GRIN3A: variants seen among roughly 807,000 people sequenced by gnomAD.
GRIN3A encodes the protein glutamate receptor ionotropic, NMDA 3A.
In GRIN3A, 47 loss-of-function variants were observed where a neutral mutation model predicts 92.4. That is an observed-to-expected ratio of 0.51 (90% CI 0.40 to 0.65). The LOEUF is 0.65. GRIN3A is among the 30% of genes least tolerant of loss of function. The pLI, the probability that GRIN3A is intolerant of heterozygous loss-of-function variation, is 0.00. For synonymous variants in GRIN3A, 527 were observed against 540.6 expected (o/e 0.97, Z 0.35); for missense variants, 1,324 against 1,393.1 (o/e 0.95, Z 0.79).
chr9:101,603,429 T>G (rs1828236682), intron 6 of GRIN3A, among the ~76,000 whole-genome samples: 1 of 152,196 alleles, frequency 6.6e-6, no homozygotes, highest in African/African-American at 2.4e-5. Context: ...TCAGGCCCTA[T>G]TATTATTCCC....
chr9:101,628,676 C>T (rs1041299094), intron 3 of GRIN3A, among the ~76,000 whole-genome samples: 2 of 152,030 alleles, frequency 1.3e-5, no homozygotes, highest in African/African-American at 2.4e-5. Context: ...TCTTTAGAAG[C>T]CATGCAAATT....
chr9:101,651,799 T>C lies in GRIN3A; in HGVS notation c.2352+18261A>G, dbSNP rs1829018665. ...GCTTCTGAGATTTCCCATTTAAAAA[T>C]GGCAATAGGCTTTATTTTAAAGATA... is the stretch of plus-strand genomic sequence containing the variant. On this transcript the variant is annotated intron_variant, in intron 3 of 8. Coordinates refer to ENST00000361820, the MANE Select transcript of GRIN3A (RefSeq NM_133445.3). Among the ~76,000 whole-genome samples, 5 of 151,984 alleles carry C rather than the reference T, an allele frequency of 3.3e-5. No individual in the cohort carries two copies. In the South Asian group the frequency reaches 1.0e-3, roughly 31 times the overall value.
In GRIN3A at chr9:101,613,401, C is replaced by T; in HGVS notation, c.2741G>A (p.Gly914Asp). The T allele has an allele frequency of 6.2e-7, 1 of 1,614,162 alleles. No homozygotes were observed. Among genetic ancestry groups the T allele is most frequent in the Non-Finnish European group, 8.5e-7 (1 of 1,180,020 alleles). Residue 914 changes from glycine to aspartate, a missense_variant, in exon 6 of 9, where the codon GGC (glycine) becomes GAC (aspartate). Coordinates refer to ENST00000361820, the MANE Select transcript of GRIN3A (RefSeq NM_133445.3). The part of the protein sequence containing the change: ...HDKWYRVVPC[G>D]KRSFAVTETL... Reference sequence around the variant, plus strand: ...CTCCGTGACAGCAAAACTTCTCTTGCCACAGGGAACCACCCTGTACCACTT... The same window carrying T: ...CTCCGTGACAGCAAAACTTCTCTTGTCACAGGGAACCACCCTGTACCACTT...
rs5899450 is a variant in GRIN3A at position 101,622,995 on chromosome 9, A to AAC, written c.2614+321_2614+322dup. ...AGCACATAGCAACACCCTGCCACTAAACACACACACACACACACACACACA... is the reference window on the plus strand; with the variant it reads ...AGCACATAGCAACACCCTGCCACTAAACACACACACACACACACACACACACA... On this transcript the variant is annotated intron_variant, in intron 5 of 8. Transcript: ENST00000361820. Among the ~76,000 whole-genome samples, 641 of 147,528 alleles carry AAC rather than the reference A, an allele frequency of 4.3e-3. 14 individuals carry two copies. The South Asian group carries it at 0.07, about 16-fold the overall frequency.
intron 2 of GRIN3A, among the ~76,000 whole-genome samples, chr9:101,674,224 TGGG>T (rs1372831664): frequency 6.6e-6 from 1 of 152,046 alleles, no homozygotes; most frequent in African/African-American, 2.4e-5. Context: ...GGAATTTGTC[TGGG>T]GGGAGTCATG....
chr9:101,672,238 C>T (rs978286186), intron 2 of GRIN3A, among the ~76,000 whole-genome samples: 4 of 152,170 alleles, frequency 2.6e-5, no homozygotes, highest in African/African-American at 9.6e-5. Context: ...AGAGAAAATA[C>T]TTCCTTCATT....
intron 1 of GRIN3A, among the ~76,000 whole-genome samples, chr9:101,722,126 C>T (rs1002103098): frequency 1.1e-4 from 16 of 152,188 alleles, no homozygotes; most frequent in African/African-American, 3.4e-4. Context: ...ATTGGTGCCC[C>T]GTGTCCCAGC....
chr9:101,731,930 T>C (rs1197208316), intron 1 of GRIN3A, among the ~76,000 whole-genome samples: 1 of 152,210 alleles, frequency 6.6e-6, no homozygotes, highest in Non-Finnish European at 1.5e-5. Context: ...AAAAGTAATA[T>C]GGCAGATGCT....
At chr9:101,584,078 T>C (rs1827921720) in intron 6 of GRIN3A, among the ~76,000 whole-genome samples, 1 of 152,098 alleles carries the variant, frequency 6.6e-6, no homozygotes, top group African/African-American at 2.4e-5. Flanking sequence ...GCTTGAACTC[T>C]CCACCTTAGG....
chr9:101,596,103 A>G (rs1828126006), intron 6 of GRIN3A, among the ~76,000 whole-genome samples: 1 of 152,242 alleles, frequency 6.6e-6, no homozygotes, highest in African/African-American at 2.4e-5. Flanking sequence ...AAACTGAAAG[A>G]TGCAAACACT....
Position 101,570,587 on chromosome 9 carries a change from C to T in GRIN3A, c.*2587G>A, listed in dbSNP as rs1477372344. The T allele has an allele frequency of 2.6e-5, 4 of 152,616 alleles. No homozygotes were observed. Among genetic ancestry groups the T allele is most frequent in the African/African-American group, 9.6e-5 (4 of 41,460 alleles). The allele number at this position is 152,616 out of a possible 1,614,324, so 9.5% of individuals were successfully genotyped here. A position where few individuals can be genotyped will look rare whatever the true frequency, so the allele number is the denominator to read the frequency against. On this transcript the variant is annotated 3_prime_UTR_variant, in exon 9 of 9. Transcript: ENST00000361820. ...TTCAAGCAATGTTGATGGCAGTAAG[C>T]CTGCTGTCAGCCCCTGCTGCTGCTT...
chr9:101,679,176 GTCTTGAGAGATAAA>G (rs1829437401), intron 2 of GRIN3A, among the ~76,000 whole-genome samples: 1 of 152,186 alleles, frequency 6.6e-6, no homozygotes, highest in South Asian at 2.1e-4. Context: ...GATTGAAGTG[GTCTTGAGAGATAAA>G]TCTGAAAATC....
chr9:101,674,946 A>G (rs1450866974), intron 2 of GRIN3A, among the ~76,000 whole-genome samples: 2 of 152,040 alleles, frequency 1.3e-5, no homozygotes, highest in African/African-American at 4.8e-5. Flanking sequence ...TTTTAGTAGG[A>G]AAAGGGGAAC....
At chr9:101,680,726 C>T (rs570524178) in intron 2 of GRIN3A, among the ~76,000 whole-genome samples, 30 of 152,182 alleles carry the variant, frequency 2.0e-4, no homozygotes, top group African/African-American at 6.5e-4. Flanking sequence ...CCTGACAGCA[C>T]GGCCTCTTAC....
At chr9:101,622,318 C>T (rs116705169) in intron 5 of GRIN3A, among the ~76,000 whole-genome samples, 2,176 of 152,276 alleles carry the variant, frequency 0.014, 45 homozygotes, top group African/African-American at 0.049. Flanking sequence ...CAGTTGGGCA[C>T]CCCCACGGGA....
chr9:101,639,063 T>C (rs1828819475), intron 3 of GRIN3A, among the ~76,000 whole-genome samples: 1 of 152,218 alleles, frequency 6.6e-6, no homozygotes, highest in South Asian at 2.1e-4. Context: ...CTGCAGTTCA[T>C]GCATGAGTGA....
intron 1 of GRIN3A, among the ~76,000 whole-genome samples, chr9:101,736,556 C>T (rs1024428713): frequency 6.6e-6 from 1 of 151,876 alleles, no homozygotes; most frequent in African/African-American, 2.4e-5. Context: ...CAACTGAATA[C>T]CAGCCTCTGA....
At chr9:101,684,293 T>TTG (rs1259620001) in intron 2 of GRIN3A, among the ~76,000 whole-genome samples, 3 of 91,076 alleles carry the variant, frequency 3.3e-5, no homozygotes, top group African/African-American at 1.4e-4. Flanking sequence ...TTTTTTTTTT[T>TTG]TGTGCAGACG....
At chr9:101,614,609 C>CA (rs1554717537) in intron 5 of GRIN3A, among the ~76,000 whole-genome samples, 10 of 83,052 alleles carry the variant, frequency 1.2e-4, no homozygotes, top group African/African-American at 5.3e-4. Context: ...ATATGTGATA[C>CA]TTTTTTTTTT....
Sources: allele counts gnomAD v4.1 joint callset (sites outside exome capture counted in the v4.1 genomes callset), GRCh38; gene constraint gnomAD v4.1.1; transcripts MANE v1.5; gene names NCBI Gene and HGNC (gene_info 2026-07-23, HGNC 2026-07-21).